Variants in RPRD2 observed in about 807,000 individuals in gnomAD.
The protein encoded by RPRD2 is regulation of nuclear pre-mRNA domain containing 2.
In RPRD2, 12 loss-of-function variants were observed where a neutral mutation model predicts 104.4. The ratio of observed to expected loss-of-function variants is 0.11; its 90% confidence interval spans 0.07 to 0.19. RPRD2 has a LOEUF of 0.19. RPRD2 is among the 10% of genes least tolerant of loss of function. The probability of loss-of-function intolerance (pLI) is 1.00; values close to 1 mark genes in which losing one functional copy is unlikely to be tolerated. For synonymous variants in RPRD2, 714 were observed against 684.9 expected (o/e 1.04, Z -0.66); for missense variants, 1,543 against 1,790.1 (o/e 0.86, Z 2.49).
intron 7 of RPRD2, among the ~76,000 whole-genome samples, chr1:150,448,513 T>C (rs1236601978): frequency 6.6e-6 from 1 of 152,146 alleles, no homozygotes; most frequent in African/African-American, 2.4e-5. Flanking sequence ...ATATTTACAT[T>C]CTGTTCTATA....
intron 10 of RPRD2, among the ~76,000 whole-genome samples, chr1:150,466,562 A>AAAT (rs1560226934): frequency 1.3e-5 from 2 of 148,218 alleles, no homozygotes; most frequent in African/African-American, 2.5e-5. Context: ...AAAAAAAAAA[A>AAAT]TTTCTGAGAC....
Position 150,471,524 on chromosome 1 carries a change from A to G in RPRD2, c.2576A>G (p.Lys859Arg). Reference sequence around the variant, plus strand: ...AAGAAACCAGCCAAATCTATCCTGAAATCAAGCAAGCTGTCTGATACCACC... The same window carrying G: ...AAGAAACCAGCCAAATCTATCCTGAGATCAAGCAAGCTGTCTGATACCACC... ...LEKKPAKSIL[K>R]SSKLSDTTEY... The change falls in exon 11 of 11, where the codon AAA (lysine) becomes AGA (arginine). Residue 859 changes from lysine (K) to arginine (R), a missense_variant. This residue lies in a region of RPRD2 where 880 missense variants were observed against 885.6 expected (regional missense o/e 0.99). Coordinates refer to ENST00000369068, the MANE Select transcript of RPRD2 (RefSeq NM_015203.5). The surrounding 1 kb of genome is among the most constrained non-coding windows in gnomAD (Gnocchi z 5.3). The G allele has an allele frequency of 6.2e-7, 1 of 1,613,802 alleles. No individual in the cohort carries two copies. Among genetic ancestry groups the G allele is most frequent in the African/African-American group, 1.3e-5 (1 of 74,936 alleles).
In RPRD2 at chr1:150,446,162, CAA is replaced by C. The variant is rs781460518; in HGVS notation, c.695-61_695-60del. 1.8e-5 allele frequency: 22 copies of C among 1,240,030 alleles called. 1 individual carries two copies. The highest frequency in any genetic ancestry group is 2.3e-5 in the Non-Finnish European group (21 of 914,984). 76.8% of individuals were successfully genotyped at this position (1,240,030 alleles called of 1,614,324 possible). ...ACAAAGAGAGGTTTTCTTCAAAAGTCAAAAGACTAAATTTTTTTATTTTTTAT... is the reference window on the plus strand; with the variant it reads ...ACAAAGAGAGGTTTTCTTCAAAAGTCAAGACTAAATTTTTTTATTTTTTAT... On this transcript the variant is annotated intron_variant, in intron 6 of 10. Transcript: ENST00000369068.
intron 7 of RPRD2, among the ~76,000 whole-genome samples, chr1:150,449,557 T>TCCTCCCTCCTTTCCTCTC (rs1667017017): frequency 6.6e-6 from 1 of 152,060 alleles, no homozygotes; most frequent in Non-Finnish European, 1.5e-5. Flanking sequence ...CCATCCCTCT[T>TCCTCCCTCCTTTCCTCTC]CCTCCCTCCT....
intron 1 of RPRD2, among the ~76,000 whole-genome samples, chr1:150,409,286 A>T: frequency 6.6e-6 from 1 of 152,284 alleles, no homozygotes; most frequent in East Asian, 1.9e-4. Context: ...AGAATACCTC[A>T]TTGTACCTAG....
In RPRD2 at chr1:150,472,772, C is replaced by T. The variant is rs777036820; in HGVS notation, c.3824C>T (p.Pro1275Leu). 10 of 1,608,764 alleles carry T rather than the reference C, an allele frequency of 6.2e-6. No individual in the cohort carries two copies. Among genetic ancestry groups the T allele is most frequent in the Admixed American group, 3.3e-5 (2 of 60,008 alleles). ...TTCCCTACCCCACCTCCTCCTCCCC[C>T]TCCTGGGGAACATAGCAGCAGTGGT... ...IPFPTPPPPP[P>L]PGEHSSSGGS... Residue 1275 changes from proline to leucine, a missense_variant, in exon 11 of 11, where the codon CCT (proline) becomes CTT (leucine). By Grantham distance (98) the Pro-to-Leu change is moderately conservative (BLOSUM62 -3). This residue lies in a region of RPRD2 where 880 missense variants were observed against 885.6 expected (regional missense o/e 0.99). Coordinates refer to ENST00000369068, the MANE Select transcript of RPRD2 (RefSeq NM_015203.5).
intron 1 of RPRD2, among the ~76,000 whole-genome samples, chr1:150,398,489 C>G (rs938712061): frequency 2.6e-5 from 4 of 151,936 alleles, no homozygotes; most frequent in East Asian, 1.9e-4. Flanking sequence ...AGCCACCGTG[C>G]CTGGCCTATT....
chr1:150,474,710 G>T lies in RPRD2; in HGVS notation c.*1376G>T, dbSNP rs1372457929. The T allele has an allele frequency of 1.3e-5, 2 of 151,906 alleles. No homozygotes were observed. The highest frequency in any genetic ancestry group is 2.9e-5 in the Non-Finnish European group (2 of 68,000). 9.4% of individuals were successfully genotyped at this position (151,906 alleles called of 1,614,324 possible). ...TTTACTACAATTTTTTTTTAATTTA[G>T]TGTCTTACCCCAAGGCATACTCAAC... On this transcript the variant is annotated 3_prime_UTR_variant, in exon 11 of 11. Coordinates refer to ENST00000369068, the MANE Select transcript of RPRD2 (RefSeq NM_015203.5).
At chr1:150,452,073 C>G (rs1442424097) in intron 7 of RPRD2, among the ~76,000 whole-genome samples, 2 of 142,872 alleles carry the variant, frequency 1.4e-5, no homozygotes, top group East Asian at 4.1e-4. Context: ...ACCCAGGAGG[C>G]AGAGGTTGCA....
chr1:150,438,882 T>C (rs1346835750), intron 2 of RPRD2, among the ~76,000 whole-genome samples: 3 of 152,076 alleles, frequency 2.0e-5, no homozygotes, highest in Non-Finnish European at 4.4e-5. Flanking sequence ...GTCTCCAGGC[T>C]GGAGTGCAAT....
chr1:150,379,295 AAAAG>A (rs1437236160), intron 1 of RPRD2, among the ~76,000 whole-genome samples: 19 of 152,096 alleles, frequency 1.2e-4, no homozygotes, highest in Admixed American at 5.2e-4. Context: ...AAAAAAAACA[AAAAG>A]AAAGAAAAGA....
chr1:150,366,876 C>T (rs1659882546), intron 1 of RPRD2, among the ~76,000 whole-genome samples: 1 of 152,200 alleles, frequency 6.6e-6, no homozygotes. Context: ...ATGGTTACAT[C>T]ATTTGCAAGA....
intron 7 of RPRD2, among the ~76,000 whole-genome samples, chr1:150,448,972 G>A (rs1666980393): frequency 6.6e-6 from 1 of 152,074 alleles, no homozygotes; most frequent in South Asian, 2.1e-4. Context: ...CTTATATTTA[G>A]AAATGTCTTA....
intron 10 of RPRD2, among the ~76,000 whole-genome samples, chr1:150,468,488 T>C (rs1462431629): frequency 6.6e-6 from 1 of 152,062 alleles, no homozygotes; most frequent in African/African-American, 2.4e-5. Context: ...ATCTGAAAAA[T>C]ATGCTGAAAT....
At chr1:150,445,173 G>A (rs1280910388) in intron 6 of RPRD2, among the ~76,000 whole-genome samples, 8 of 152,178 alleles carry the variant, frequency 5.3e-5, no homozygotes, top group Admixed American at 3.3e-4. Context: ...AGAAGAGACC[G>A]TCTCTAAAGA....
At chr1:150,386,017 G>A (rs1249332205) in intron 1 of RPRD2, among the ~76,000 whole-genome samples, 2 of 151,910 alleles carry the variant, frequency 1.3e-5, no homozygotes, top group Admixed American at 6.6e-5. Context: ...AAGTGAGAGG[G>A]GTGTGGTGTA....
At chr1:150,381,130 G>T (rs927864733) in intron 1 of RPRD2, among the ~76,000 whole-genome samples, 1 of 152,074 alleles carries the variant, frequency 6.6e-6, no homozygotes, top group East Asian at 1.9e-4. Context: ...AACATAGAAA[G>T]TGCTGTAATT....
At chr1:150,431,472 G>GTTTTTTTTTTTTTTTTTT (rs1553891696) in intron 2 of RPRD2, among the ~76,000 whole-genome samples, 2 of 65,760 alleles carry the variant, frequency 3.0e-5, no homozygotes, top group Admixed American at 2.6e-4. Context: ...AAAAAGGAAG[G>GTTTTTTTTTTTTTTTTTT]ATTTTTTTTT....
In RPRD2 at chr1:150,472,003, A is replaced by G; in HGVS notation, c.3055A>G (p.Lys1019Glu). The G allele has an allele frequency of 6.2e-7, 1 of 1,613,984 alleles. No individual in the cohort carries two copies. The highest frequency in any genetic ancestry group is 8.5e-7 in the Non-Finnish European group (1 of 1,179,896). The change falls in exon 11 of 11, where the codon AAG becomes GAG. Residue 1019 changes from lysine to glutamate, a missense_variant. Physicochemically the swap from Lys to Glu is moderately conservative, Grantham distance 56. Coordinates refer to ENST00000369068, the MANE Select transcript of RPRD2 (RefSeq NM_015203.5). The part of the protein sequence containing the change: ...FKNMLKNASR[K>E]PSDDKHFGQA... ...GAATATGCTTAAAAACGCCTCACGTAAGCCCTCAGATGATAAGCATTTTGG... is the reference window on the plus strand; with the variant it reads ...GAATATGCTTAAAAACGCCTCACGTGAGCCCTCAGATGATAAGCATTTTGG...
Sources: allele counts gnomAD v4.1 joint callset (sites outside exome capture counted in the v4.1 genomes callset), GRCh38; gene constraint gnomAD v4.1.1; regional missense constraint gnomAD v4.1.1; non-coding constraint Gnocchi (gnomAD v3.1); transcripts MANE v1.5; gene names NCBI Gene and HGNC (gene_info 2026-07-23, HGNC 2026-07-21).